HSP90AA1: variants seen among roughly 807,000 people sequenced by gnomAD.
HSP90AA1 encodes the protein heat shock protein HSP 90-alpha.
Under a neutral mutation model 73.3 loss-of-function variants are expected in HSP90AA1, and 18 were observed. The observed-to-expected ratio is 0.25, with a 90% CI of 0.17 to 0.36. The LOEUF (loss-of-function observed/expected upper bound fraction) is 0.36, where lower values mean the gene tolerates loss of function less well. HSP90AA1 is among the 10% of genes least tolerant of loss of function. The pLI is 1.00. For missense variants in HSP90AA1, 704 were observed against 874.2 expected (o/e 0.81, Z 2.45); for synonymous variants, 477 against 296.9 (o/e 1.61, Z -6.24).
intron 1 of HSP90AA1, among the ~76,000 whole-genome samples, chr14:102,107,951 A>ATT (rs1472682845): frequency 1.4e-4 from 4 of 28,562 alleles, no homozygotes; most frequent in South Asian, 2.2e-3. Flanking sequence ...TTCTCTCTTA[A>ATT]ATTTTTTTTT....
At chr14:102,136,492 C>T (rs1291986346) in intron 1 of HSP90AA1, among the ~76,000 whole-genome samples, 4 of 133,452 alleles carry the variant, frequency 3.0e-5, no homozygotes, top group Non-Finnish European at 6.1e-5. Flanking sequence ...TCGCTTGAAC[C>T]CGGGAGGCAG....
chr14:102,087,093 G>T (rs1467961804), upstream of HSP90AA1: 7 of 984,006 alleles, frequency 7.1e-6, no homozygotes, highest in Non-Finnish European at 8.4e-6. Context: ...CCCGCCCAGC[G>T]CGCGGCGCTT....
chr14:102,132,424 G>A (rs192368167), intron 1 of HSP90AA1, among the ~76,000 whole-genome samples: 1,614 of 152,240 alleles, frequency 0.011, 8 homozygotes, highest in Non-Finnish European at 0.016. Flanking sequence ...GTACGTTCCT[G>A]TAGTCCCAGC....
chr14:102,085,437 A>G lies in HSP90AA1; in HGVS notation c.530-6T>C, dbSNP rs567413815. 1 of 1,567,618 alleles carries G rather than the reference A, an allele frequency of 6.4e-7. No individual in the cohort carries two copies. The highest frequency in any genetic ancestry group is 2.3e-5 in the East Asian group (1 of 43,214). ...TCCACGACCCATAGGTTCACCTGCAAGAGAAGAAAGAAAAATTGACTTAAT... is the reference window on the plus strand; with the variant it reads ...TCCACGACCCATAGGTTCACCTGCAGGAGAAGAAAGAAAAATTGACTTAAT... On this transcript the variant is annotated splice_polypyrimidine_tract_variant and splice_region_variant and intron_variant, in intron 3 of 10. Transcript: ENST00000216281.
chr14:102,129,527 G>T, intron 1 of HSP90AA1, among the ~76,000 whole-genome samples: 1 of 142,526 alleles, frequency 7.0e-6, no homozygotes, highest in Non-Finnish European at 1.5e-5. Context: ...TTTTGAGTTG[G>T]AGTCTTGCTG....
chr14:102,139,557 AC>A (rs1301865444), exon 1 of HSP90AA1: 1 of 812,312 alleles, frequency 1.2e-6, no homozygotes, highest in Middle Eastern at 3.8e-4. Context: ...GGCTCATGAC[AC>A]CAGCCCCGCC....
At chr14:102,102,180 C>G in intron 1 of HSP90AA1, 1 of 981,890 alleles carries the variant, frequency 1.0e-6, no homozygotes, top group South Asian at 1.3e-5. Flanking sequence ...AGCAGGCATG[C>G]CCTGGCTTCC....
At chr14:102,088,665 G>A (rs1025866319), upstream of HSP90AA1, among the ~76,000 whole-genome samples, 3 of 152,194 alleles carry the variant, frequency 2.0e-5, no homozygotes, top group Non-Finnish European at 4.4e-5. Flanking sequence ...TACAGCTGCA[G>A]CCTGGACTGG....
chr14:102,106,882 A>G lies in HSP90AA1; in HGVS notation c.156-4797T>C, dbSNP rs79029031. 2.9e-3 allele frequency among the ~76,000 whole-genome samples: 443 copies of G among 152,040 alleles called. 10 individuals carry two copies. Among genetic ancestry groups the G allele is most frequent in the African/African-American group, 0.01 (431 of 41,382 alleles). On this transcript the variant is annotated intron_variant, in intron 1 of 11. Coordinates refer to the HSP90AA1 transcript ENST00000334701. ...TTTTGAGAGGATGGGCAAAATATAG[A>G]TGAAGGGAAGTATAATCAGAGATGG...
intron 1 of HSP90AA1, among the ~76,000 whole-genome samples, chr14:102,124,371 T>C (rs2049816208): frequency 6.6e-6 from 1 of 151,822 alleles, no homozygotes; most frequent in African/African-American, 2.4e-5. Flanking sequence ...TTTGTGTTTT[T>C]AGTAGAGGTG....
rs2049100096 is a variant in HSP90AA1 at position 102,081,591 on chromosome 14, A to G, written c.*121T>C. The G allele has an allele frequency of 1.6e-5, 11 of 703,106 alleles. No individual in the cohort carries two copies. The highest frequency in any genetic ancestry group is 1.5e-4 in the South Asian group (10 of 65,942). The allele number at this position is 703,106 out of a possible 1,614,324, so 43.6% of individuals were successfully genotyped here. A position where few individuals can be genotyped will look rare whatever the true frequency, so the allele number is the denominator to read the frequency against. On this transcript the variant is annotated 3_prime_UTR_variant, in exon 11 of 11. Coordinates refer to ENST00000216281, the MANE Select transcript of HSP90AA1 (RefSeq NM_005348.4). ...GACAGAAATCTTATCTTCCCCTTAA[A>G]GTAGTTGTCATGCCATACAGACTTT...
Position 102,081,498 on chromosome 14 carries a change from C to T in HSP90AA1, c.*214G>A, listed in dbSNP as rs369711643. On this transcript the variant is annotated 3_prime_UTR_variant, in exon 11 of 11. Coordinates refer to ENST00000216281, the MANE Select transcript of HSP90AA1 (RefSeq NM_005348.4). Reference sequence around the variant, plus strand: ...GTTACCCCAATCTGTGAAAATAAACCAACATGAAACTCAAAAAGCATTACT... The same window carrying T: ...GTTACCCCAATCTGTGAAAATAAACTAACATGAAACTCAAAAAGCATTACT... 40 of 594,114 alleles carry T rather than the reference C, an allele frequency of 6.7e-5. No homozygotes were observed. The highest frequency in any genetic ancestry group is 3.2e-4 in the African/African-American group (17 of 53,740). The allele number at this position is 594,114 out of a possible 1,614,324, so 36.8% of individuals were successfully genotyped here. A position where few individuals can be genotyped will look rare whatever the true frequency, so the allele number is the denominator to read the frequency against.
Position 102,083,767 on chromosome 14 carries a change from G to A in HSP90AA1, c.1338+26C>T. On this transcript the variant is annotated intron_variant, in intron 7 of 10. Transcript: ENST00000216281. ...AAAAAAAAACTAAAGAGGCCAATTG[G>A]AAAACTAATGGTTATTTACACCAAC... The A allele has an allele frequency of 3.8e-6, 6 of 1,593,466 alleles. 1 individual carries two copies. The highest frequency in any genetic ancestry group is 1.7e-4 in the Middle Eastern group (1 of 5,992).
intron 2 of HSP90AA1, among the ~76,000 whole-genome samples, chr14:102,098,794 C>T (rs1169667408): frequency 6.6e-6 from 1 of 151,904 alleles, no homozygotes; most frequent in Non-Finnish European, 1.5e-5. Context: ...CTCCGGGGTT[C>T]AAGTGATACA....
At chr14:102,114,954 GAAACCCC>G (rs373475746) in intron 1 of HSP90AA1, among the ~76,000 whole-genome samples, 203 of 152,220 alleles carry the variant, frequency 1.3e-3, no homozygotes, top group African/African-American at 4.6e-3. Flanking sequence ...CTAACACGGT[GAAACCCC>G]GTCTCTACTA....
chr14:102,108,711 A>G (rs148364279), intron 1 of HSP90AA1, among the ~76,000 whole-genome samples: 2,646 of 151,424 alleles, frequency 0.017, 109 homozygotes, highest in African/African-American at 0.062. Context: ...AATTTTTTGT[A>G]TTTTTAGTAG....
chr14:102,134,651 G>A (rs1020186391), intron 1 of HSP90AA1, among the ~76,000 whole-genome samples: 3 of 152,118 alleles, frequency 2.0e-5, no homozygotes, highest in African/African-American at 4.8e-5. Context: ...CAGCACGTCT[G>A]GAGTTGTTCG....
At chr14:102,088,964 T>TG (rs2049313959), upstream of HSP90AA1, among the ~76,000 whole-genome samples, 1 of 151,290 alleles carries the variant, frequency 6.6e-6, no homozygotes, top group Non-Finnish European at 1.5e-5. Flanking sequence ...TCGAGGGCAA[T>TG]GGCACAATCT....
Position 102,084,963 on chromosome 14 carries a change from A to C in HSP90AA1, c.699T>G (p.Asp233Glu), listed in dbSNP as rs747111803. 1 of 1,610,070 alleles carries C rather than the reference A, an allele frequency of 6.2e-7. No individual in the cohort carries two copies. Among genetic ancestry groups the C allele is most frequent in the Non-Finnish European group, 8.5e-7 (1 of 1,176,676 alleles). ...EKERDKEVSD[D>E]EAEEKEDKEE... Reference sequence around the variant, plus strand: ...CTTTGTCTTCCTTTTCTTCAGCCTCATCATCGCTTACTTCTTTATCACGTT... The same window carrying C: ...CTTTGTCTTCCTTTTCTTCAGCCTCCTCATCGCTTACTTCTTTATCACGTT... Residue 233 changes from aspartate to glutamate, a missense_variant, in exon 5 of 11, where the codon GAT (aspartate) becomes GAG (glutamate). By Grantham distance (45) the Asp-to-Glu change is conservative. Coordinates refer to ENST00000216281, the MANE Select transcript of HSP90AA1 (RefSeq NM_005348.4).
Sources: gnomAD v4.1 joint callset for allele counts (sites outside exome capture counted in the v4.1 genomes callset) on GRCh38, gnomAD v4.1.1 for gene constraint, MANE v1.5 for transcripts, NCBI Gene and HGNC (gene_info 2026-07-23, HGNC 2026-07-21) for gene names.